SH3RF2: variants seen among roughly 807,000 people sequenced by gnomAD.
SH3RF2 encodes SH3 domain containing ring finger 2, also known as E3 ubiquitin-protein ligase SH3RF2.
A neutral mutation model predicts 59.0 loss-of-function variants in SH3RF2; 43 were observed. The observed-to-expected ratio is 0.73, with a 90% CI of 0.57 to 0.94. SH3RF2 has a LOEUF of 0.94. Among genes scored for constraint, SH3RF2 ranks in the 40% least tolerant of loss-of-function variants. SH3RF2 has a pLI of 0.00. For missense variants in SH3RF2, 930 were observed against 940.1 expected, an observed-to-expected ratio of 0.99 and a Z score of 0.14; for synonymous variants, 391 against 391.5, an observed-to-expected ratio of 1.00 and a Z score of 0.01.
At chr5:146,005,149 TA>T (rs1159005309) in intron 4 of SH3RF2, among the ~76,000 whole-genome samples, 6 of 152,098 alleles carry the variant, frequency 3.9e-5, no homozygotes, top group African/African-American at 9.7e-5. Context: ...TTCTGTTTTT[TA>T]AAGAAAAATC....
intron 2 of SH3RF2, among the ~76,000 whole-genome samples, chr5:145,967,348 C>T (rs1758897794): frequency 6.6e-6 from 1 of 152,046 alleles, no homozygotes. Context: ...TGAAAGCATC[C>T]TGTTAACTGT....
chr5:145,979,214 T>C (rs1580804954), intron 2 of SH3RF2, among the ~76,000 whole-genome samples: 2 of 152,274 alleles, frequency 1.3e-5, no homozygotes, highest in Admixed American at 1.3e-4. Flanking sequence ...GAAACACAAA[T>C]TCTTGGGCCC....
intron 2 of SH3RF2, among the ~76,000 whole-genome samples, chr5:145,982,144 C>A (rs1392599493): frequency 6.6e-6 from 1 of 152,120 alleles, no homozygotes; most frequent in East Asian, 1.9e-4. Context: ...TCAGCAGCTC[C>A]CCAGCATGCA....
At position 145,937,801 on chromosome 5, in the gene SH3RF2, C is replaced by G. The variant is rs929146233; in HGVS notation, c.-106-22C>G. 9.0e-6 allele frequency: 10 copies of G among 1,105,108 alleles called. No individual in the cohort carries two copies. The African/African-American group carries it at 1.4e-4, about 16-fold the overall frequency. 68.5% of individuals were successfully genotyped at this position (1,105,108 alleles called of 1,614,324 possible). ...TCGGAGCAGTCACATTTTTTTTTCT[C>G]TCCTCTCCCTCCTTCAAGCAGGCAA... On this transcript the variant is annotated intron_variant, in intron 1 of 9. Transcript: ENST00000359120.
intron 7 of SH3RF2, among the ~76,000 whole-genome samples, chr5:146,054,946 T>C (rs1009760922): frequency 6.6e-6 from 1 of 152,138 alleles, no homozygotes; most frequent in Non-Finnish European, 1.5e-5. Context: ...GACTGCTCAA[T>C]AGGAAATGTG....
intron 5 of SH3RF2, among the ~76,000 whole-genome samples, chr5:146,022,826 C>T (rs1761377377): frequency 1.3e-5 from 2 of 151,386 alleles, no homozygotes; most frequent in African/African-American, 4.9e-5. Flanking sequence ...GAGCCGAGAT[C>T]TTGCCGGTGC....
rs766942836 is a variant in SH3RF2, at chr5:146,062,458, C to T, written c.1947C>T (p.Ser649=). The T allele has an allele frequency of 2.5e-6, 4 of 1,614,120 alleles. No individual in the cohort carries two copies. Among genetic ancestry groups the T allele is most frequent in the South Asian group, 1.1e-5 (1 of 91,062 alleles). The change falls in exon 10 of 10, where the codon AGC becomes AGT. Residue 649 remains serine, a synonymous_variant. Transcript: ENST00000359120. ...AAACCGTGAGATTTCAGAATTACAG[C>T]CCTCCTCCCACCAAACATTACACCT... The part of the protein sequence containing the change: ...QVKTVRFQNY[S]PPPTKHYTSH...
intron 3 of SH3RF2, among the ~76,000 whole-genome samples, chr5:146,001,810 G>A (rs1426875266): frequency 6.6e-6 from 1 of 152,098 alleles, no homozygotes; most frequent in Non-Finnish European, 1.5e-5. Flanking sequence ...ACATATAAAT[G>A]GGAAATTATG....
At chr5:145,989,039 G>A (rs1257377854) in intron 2 of SH3RF2, among the ~76,000 whole-genome samples, 1 of 152,182 alleles carries the variant, frequency 6.6e-6, no homozygotes, top group Non-Finnish European at 1.5e-5. Flanking sequence ...CCTTATCAGT[G>A]GAGTGAACCC....
chr5:146,081,167 G>A (rs563828020), exon 10 of SH3RF2: 1 of 152,166 alleles, frequency 6.6e-6, no homozygotes, highest in East Asian at 1.9e-4. Context: ...CAAATTTGTA[G>A]CAATCCAGAT....
intron 5 of SH3RF2, among the ~76,000 whole-genome samples, chr5:146,045,161 A>G (rs183374363): frequency 1.3e-3 from 203 of 152,282 alleles, no homozygotes; most frequent in Admixed American, 3.4e-3. Flanking sequence ...ACCTTCCCCA[A>G]TCATAGGCAA....
chr5:146,014,720 C>T (rs1239178523), intron 5 of SH3RF2, among the ~76,000 whole-genome samples: 1 of 152,134 alleles, frequency 6.6e-6, no homozygotes, highest in Non-Finnish European at 1.5e-5. Context: ...AGATGGAGTA[C>T]CTAATAAGAT....
At chr5:145,945,769 C>A (rs1184462136) in intron 2 of SH3RF2, among the ~76,000 whole-genome samples, 3 of 152,142 alleles carry the variant, frequency 2.0e-5, no homozygotes, top group Non-Finnish European at 4.4e-5. Context: ...GTCAAGCATT[C>A]TCTGTAATAA....
At chr5:146,060,757 A>G (rs1762859974) in intron 9 of SH3RF2, among the ~76,000 whole-genome samples, 1 of 152,358 alleles carries the variant, frequency 6.6e-6, no homozygotes, top group Non-Finnish European at 1.5e-5. Flanking sequence ...TGTAAGTGAC[A>G]TCGAGGTCAC....
At chr5:146,033,714 C>A (rs903713560) in intron 5 of SH3RF2, among the ~76,000 whole-genome samples, 2 of 152,036 alleles carry the variant, frequency 1.3e-5, no homozygotes, top group Non-Finnish European at 2.9e-5. Context: ...AGGTGATCTG[C>A]CCACCTCAGC....
At chr5:145,971,190 T>C (rs1759067777) in intron 2 of SH3RF2, among the ~76,000 whole-genome samples, 1 of 152,218 alleles carries the variant, frequency 6.6e-6, no homozygotes, top group Admixed American at 6.5e-5. Flanking sequence ...CAAGGACCGA[T>C]GTCTGTTATA....
intron 7 of SH3RF2, among the ~76,000 whole-genome samples, chr5:146,050,426 C>T (rs942350936): frequency 1.3e-5 from 2 of 152,138 alleles, no homozygotes; most frequent in Non-Finnish European, 2.9e-5. Flanking sequence ...CAGGCAAAGT[C>T]GGCCTGAGTC....
rs1274615688 is a variant in SH3RF2 at position 146,014,012 on chromosome 5, T to C, written c.1010T>C (p.Ile337Thr). 6.2e-7 allele frequency: 1 copy of C among 1,614,004 alleles called. No individual in the cohort carries two copies. Among genetic ancestry groups the C allele is most frequent in the Non-Finnish European group, 8.5e-7 (1 of 1,180,016 alleles). The part of the protein sequence containing the change: ...VLISSSNPSV[I>T]TQPMEKADVP... ...ATCAGCTCCAGCAACCCCTCTGTGA[T>C]CACCCAGCCCATGGAGAAAGCAGAC... Residue 337 changes from isoleucine (I) to threonine (T), a missense_variant, in exon 5 of 10, where the codon ATC becomes ACC. Coordinates refer to ENST00000359120, the MANE Select transcript of SH3RF2 (RefSeq NM_152550.4).
intron 4 of SH3RF2, among the ~76,000 whole-genome samples, chr5:146,007,030 T>C (rs1216440833): frequency 6.6e-6 from 1 of 152,224 alleles, no homozygotes; most frequent in Non-Finnish European, 1.5e-5. Flanking sequence ...ACCAGTCACA[T>C]AGCCTGATGT....
Sources: gnomAD v4.1 joint callset for allele counts (sites outside exome capture counted in the v4.1 genomes callset) on GRCh38, gnomAD v4.1.1 for gene constraint, MANE v1.5 for transcripts, NCBI Gene and HGNC (gene_info 2026-07-23, HGNC 2026-07-21) for gene names.